EPB41L4A: variants seen among roughly 807,000 people sequenced by gnomAD.
EPB41L4A encodes band 4.1-like protein 4A.
A neutral mutation model predicts 108.6 loss-of-function variants in EPB41L4A; 100 were observed. The observed-to-expected ratio is 0.92, with a 90% confidence interval of 0.78 to 1.09. The LOEUF (loss-of-function observed/expected upper bound fraction) is 1.09. Ranked by LOEUF, EPB41L4A falls within the 50% of genes least tolerant of loss-of-function variation. The pLI is 0.00. For synonymous variants in EPB41L4A, 319 were observed against 289.0 expected, an observed-to-expected ratio of 1.10 and a Z score of -1.05; for missense variants, 1,030 against 842.7, an observed-to-expected ratio of 1.22 and a Z score of -2.75.
intron 12 of EPB41L4A, among the ~76,000 whole-genome samples, chr5:112,150,390 T>G (rs1016333489): frequency 1.3e-5 from 2 of 152,184 alleles, no homozygotes; most frequent in Admixed American, 6.5e-5. Flanking sequence ...TTTCATCTAT[T>G]TCAAGACATA....
chr5:112,410,459 T>C (rs374626406), intron 1 of EPB41L4A, among the ~76,000 whole-genome samples: 13 of 152,260 alleles, frequency 8.5e-5, no homozygotes, highest in African/African-American at 2.6e-4. Flanking sequence ...GAGAAGGGCC[T>C]GAAGTGCAGC....
At chr5:112,217,753 T>C (rs1192782662) in intron 12 of EPB41L4A, among the ~76,000 whole-genome samples, 3 of 152,284 alleles carry the variant, frequency 2.0e-5, no homozygotes, top group African/African-American at 4.8e-5. Context: ...ATTTAAGCAG[T>C]TGCCTTTTTA....
intron 6 of EPB41L4A, among the ~76,000 whole-genome samples, chr5:112,263,097 T>C (rs1389893825): frequency 1.3e-5 from 2 of 152,244 alleles, no homozygotes; most frequent in African/African-American, 2.4e-5. Context: ...TAAAAAATGC[T>C]TGTCATTTTC....
chr5:112,183,695 A>G (rs1391742498), intron 18 of EPB41L4A, among the ~76,000 whole-genome samples: 1 of 152,200 alleles, frequency 6.6e-6, no homozygotes, highest in African/African-American at 2.4e-5. Context: ...GAGAAGCAGC[A>G]GGTATTTCAC....
chr5:112,280,676 C>T (rs1752913692), intron 2 of EPB41L4A, among the ~76,000 whole-genome samples: 1 of 152,276 alleles, frequency 6.6e-6, no homozygotes, highest in South Asian at 2.1e-4. Flanking sequence ...ATGATGCTGA[C>T]GTTGGAAGAG....
intron 17 of EPB41L4A, among the ~76,000 whole-genome samples, chr5:112,187,434 C>T (rs1379607262): frequency 6.6e-6 from 1 of 152,150 alleles, no homozygotes; most frequent in Non-Finnish European, 1.5e-5. Context: ...TGTTTCAGAA[C>T]AGAATTCTAA....
At chr5:112,341,600 A>T (rs1161183529) in intron 1 of EPB41L4A, among the ~76,000 whole-genome samples, 1 of 152,166 alleles carries the variant, frequency 6.6e-6, no homozygotes, top group African/African-American at 2.4e-5. Flanking sequence ...AACAATCCCA[A>T]AAGAAAGTAA....
intron 12 of EPB41L4A, among the ~76,000 whole-genome samples, chr5:112,216,976 A>T (rs991757601): frequency 3.4e-5 from 5 of 147,480 alleles, no homozygotes; most frequent in African/African-American, 9.9e-5. Flanking sequence ...TCATCATGGA[A>T]TTTTTTTTTT....
intron 1 of EPB41L4A, among the ~76,000 whole-genome samples, chr5:112,382,130 T>C (rs964292764): frequency 2.0e-5 from 3 of 152,236 alleles, no homozygotes; most frequent in African/African-American, 7.2e-5. Context: ...TAACTTAACA[T>C]CCATTCTGGC....
At chr5:112,298,225 T>A (rs1754133756) in intron 2 of EPB41L4A, among the ~76,000 whole-genome samples, 1 of 152,146 alleles carries the variant, frequency 6.6e-6, no homozygotes, top group Non-Finnish European at 1.5e-5. Flanking sequence ...GGCAGTATGG[T>A]CATTTTCACA....
At chr5:112,256,829 G>A (rs1473749777) in intron 9 of EPB41L4A, 2 of 152,054 alleles carry the variant, frequency 1.3e-5, no homozygotes, top group Non-Finnish European at 2.9e-5. Context: ...CTGAGTTTTA[G>A]GATAATGAAT....
intron 7 of EPB41L4A, among the ~76,000 whole-genome samples, chr5:112,261,072 C>A (rs1751454972): frequency 6.6e-6 from 1 of 152,100 alleles, no homozygotes; most frequent in African/African-American, 2.4e-5. Context: ...GAAAACCTAA[C>A]AAGATTAATG....
At chr5:112,195,988 C>T (rs780304391) in intron 15 of EPB41L4A, among the ~76,000 whole-genome samples, 1 of 152,160 alleles carries the variant, frequency 6.6e-6, no homozygotes, top group African/African-American at 2.4e-5. Flanking sequence ...AACTGCAATC[C>T]TCCAAGCTGA....
intron 1 of EPB41L4A, among the ~76,000 whole-genome samples, chr5:112,332,789 C>T (rs1013960176): frequency 6.6e-6 from 1 of 152,126 alleles, no homozygotes; most frequent in Non-Finnish European, 1.5e-5. Context: ...AAAAACTCTG[C>T]CATATCTTCT....
intron 1 of EPB41L4A, among the ~76,000 whole-genome samples, chr5:112,314,335 T>C (rs1755266856): frequency 6.6e-6 from 1 of 151,360 alleles, no homozygotes; most frequent in South Asian, 2.1e-4. Flanking sequence ...GAAATCTTGA[T>C]TCTTAACCTT....
intron 1 of EPB41L4A, among the ~76,000 whole-genome samples, chr5:112,409,802 A>G (rs909689881): frequency 2.0e-5 from 3 of 152,172 alleles, no homozygotes; most frequent in African/African-American, 7.2e-5. Flanking sequence ...ATAGCATCCC[A>G]TGATGAGGTG....
At chr5:112,220,706 A>C (rs1371569191) in intron 12 of EPB41L4A, among the ~76,000 whole-genome samples, 2 of 152,224 alleles carry the variant, frequency 1.3e-5, no homozygotes, top group African/African-American at 4.8e-5. Flanking sequence ...CAGAAGCAAG[A>C]AAGCCCCTCT....
At chr5:112,201,785 A>G (rs1266546774) in intron 15 of EPB41L4A, among the ~76,000 whole-genome samples, 5 of 152,166 alleles carry the variant, frequency 3.3e-5, no homozygotes, top group Admixed American at 2.0e-4. Flanking sequence ...AATGCTGAGT[A>G]AGGGCTGAAG....
At chr5:112,204,749 CAA>C (rs1762389623) in intron 14 of EPB41L4A, 1 of 333,982 alleles carries the variant, frequency 3.0e-6, no homozygotes. Flanking sequence ...ACACAAATAA[CAA>C]TAACAATTCA....
Sources: gnomAD v4.1 joint callset for allele counts (sites outside exome capture counted in the v4.1 genomes callset) on GRCh38, gnomAD v4.1.1 for gene constraint, MANE v1.5 for transcripts, NCBI Gene and HGNC (gene_info 2026-07-23, HGNC 2026-07-21) for gene names.